The following PCNX1 variants were observed in gnomAD, a reference collection of about 807,000 sequenced individuals.
PCNX1 encodes pecanex 1, also known as pecanex-like protein 1.
Under a neutral mutation model 242.2 loss-of-function variants are expected in PCNX1, and 78 were observed. That is an observed-to-expected ratio of 0.32 (90% CI 0.27 to 0.39). The LOEUF is 0.39. Ranked by LOEUF, PCNX1 falls within the 10% of genes least tolerant of loss-of-function variation. PCNX1 has a pLI of 1.00. For synonymous variants in PCNX1, 1,024 were observed against 1,032.9 expected (o/e 0.99, Z 0.17); for missense variants, 2,581 against 2,856.5 (o/e 0.90, Z 2.20).
intron 2 of PCNX1, among the ~76,000 whole-genome samples, chr14:70,955,114 A>G (rs770301498): frequency 6.6e-6 from 1 of 152,180 alleles, no homozygotes; most frequent in Non-Finnish European, 1.5e-5. Flanking sequence ...AAATGGTTCA[A>G]TCTTTTAGAG....
At position 71,033,523 on chromosome 14, in the gene PCNX1, A is replaced by G; in HGVS notation, c.3653A>G (p.Asp1218Gly). Residue 1218 changes from aspartate (D) to glycine (G), a missense_variant, in exon 17 of 36, where the codon GAT becomes GGT. Asp to Gly is a moderately conservative substitution (Grantham distance 94). Around this residue, in one of 9 missense-constraint regions of PCNX1, gnomAD observed 432 missense variants for 443.1 expected, o/e 0.97. Transcript: ENST00000304743. ...TACCATCTCAGCCGACAAAGCAGTGATCCATCTGTACTTTTGTAAGTGAAC... is the reference window on the plus strand; with the variant it reads ...TACCATCTCAGCCGACAAAGCAGTGGTCCATCTGTACTTTTGTAAGTGAAC... ...VSYHLSRQSSDPSVLFSLVQS... is the reference protein window; with the variant it reads ...VSYHLSRQSSGPSVLFSLVQS... 6.4e-7 allele frequency: 1 copy of G among 1,571,424 alleles called. No homozygotes were observed. The highest frequency in any genetic ancestry group is 8.8e-7 in the Non-Finnish European group (1 of 1,142,204).
chr14:70,996,070 G>C, intron 8 of PCNX1, 145 bp downstream of exon 8: 2 of 608,526 alleles, frequency 3.3e-6, no homozygotes, highest in Non-Finnish European at 5.7e-6. Flanking sequence ...CTATGTGTTA[G>C]GAAAATGTGA....
intron 19 of PCNX1, among the ~76,000 whole-genome samples, chr14:71,040,417 G>T (rs1367701141): frequency 6.6e-6 from 1 of 152,090 alleles, no homozygotes; most frequent in Non-Finnish European, 1.5e-5. Context: ...ATTTGATTAT[G>T]ATGTACCTTC....
Position 71,036,167 on chromosome 14 carries a change from C to T in PCNX1, c.3867+10C>T. Reference sequence around the variant, plus strand: ...CTTCACAGTATTGCAGGTAAGGAATCATTTTCTCCTTTTATTTGTTTGTTT... The same window carrying T: ...CTTCACAGTATTGCAGGTAAGGAATTATTTTCTCCTTTTATTTGTTTGTTT... On this transcript the variant is annotated intron_variant, in intron 19 of 35. Transcript: ENST00000304743. 1 of 1,507,786 alleles carries T rather than the reference C, an allele frequency of 6.6e-7. No individual in the cohort carries two copies. Among genetic ancestry groups the T allele is most frequent in the South Asian group, 1.1e-5 (1 of 88,868 alleles). The allele number at this position is 1,507,786 out of a possible 1,614,324, so 93.4% of individuals were successfully genotyped here.
chr14:71,103,342 G>C, intron 31 of PCNX1, 53 bp from the exon 32 acceptor site: 1 of 1,576,938 alleles, frequency 6.3e-7, no homozygotes, highest in Admixed American at 1.7e-5. Context: ...TTCTGTTTCT[G>C]TGAATTTTAT....
At chr14:70,999,869 G>A (rs2059452276) in intron 8 of PCNX1, among the ~76,000 whole-genome samples, 1 of 152,070 alleles carries the variant, frequency 6.6e-6, no homozygotes, top group African/African-American at 2.4e-5. Flanking sequence ...AAAAAAGATT[G>A]TATATACTAC....
intron 33 of PCNX1, among the ~76,000 whole-genome samples, chr14:71,107,024 C>A (rs1034375948): frequency 4.9e-4 from 75 of 152,104 alleles, no homozygotes; most frequent in Admixed American, 1.6e-3. Context: ...TTTTCCCTGT[C>A]CCTAGGCCCT....
chr14:71,099,527 T>C (rs1269331268), intron 30 of PCNX1, among the ~76,000 whole-genome samples: 1 of 151,802 alleles, frequency 6.6e-6, no homozygotes, highest in Non-Finnish European at 1.5e-5. Context: ...GGGTATGTTC[T>C]GTGTGCAGAT....
Position 71,057,530 on chromosome 14 carries a change from A to G in PCNX1, c.4658A>G (p.Asn1553Ser). 6.2e-7 allele frequency: 1 copy of G among 1,612,790 alleles called. No homozygotes were observed. Among genetic ancestry groups the G allele is most frequent in the Non-Finnish European group, 8.5e-7 (1 of 1,178,846 alleles). The change falls in exon 26 of 36, where the codon AAT (asparagine) becomes AGT (serine). Residue 1553 changes from asparagine (N) to serine (S), a missense_variant. By Grantham distance (46) the Asn-to-Ser change is conservative. Transcript: ENST00000304743. ...ATAGGATCAGATGACAACAATCTGA[A>G]TTCCATCTTTTATGAGCATTTAACT... Reference protein sequence around the residue: ...RNPGSDDNNLNSIFYEHLTRS... With the variant: ...RNPGSDDNNLSSIFYEHLTRS...
chr14:71,072,768 G>C (rs941249173), intron 26 of PCNX1, among the ~76,000 whole-genome samples: 4 of 152,122 alleles, frequency 2.6e-5, no homozygotes, highest in Admixed American at 6.5e-5. Flanking sequence ...ATTAACATTA[G>C]TGTAACAGAT....
intron 28 of PCNX1, 23 bp from the exon 29 acceptor site, chr14:71,088,307 T>C: frequency 7.3e-7 from 1 of 1,367,866 alleles, no homozygotes; most frequent in Non-Finnish European, 1.0e-6. Context: ...TTCTGATAAC[T>C]AATGTTTTTT....
In PCNX1 at chr14:71,033,927, A is replaced by G. The variant is rs1166745385; in HGVS notation, c.3669-4A>G. 4.0e-6 allele frequency: 6 copies of G among 1,492,914 alleles called. No homozygotes were observed. The highest frequency in any genetic ancestry group is 5.5e-6 in the Non-Finnish European group (6 of 1,084,900). 92.5% of individuals were successfully genotyped at this position (1,492,914 alleles called of 1,614,324 possible). ...ATTTTCTGTTTTTTTTTCTTCACAT[A>G]AAGCTCTTTAGTGCAATCCAAGATT... On this transcript the variant is annotated splice_polypyrimidine_tract_variant and splice_region_variant and intron_variant, in intron 17 of 35. Coordinates refer to ENST00000304743, the MANE Select transcript of PCNX1 (RefSeq NM_014982.3).
chr14:70,945,525 T>C (rs568933069), intron 1 of PCNX1, among the ~76,000 whole-genome samples: 1 of 151,792 alleles, frequency 6.6e-6, no homozygotes, highest in South Asian at 2.1e-4. Flanking sequence ...TTGTGGACTT[T>C]ATGTTTTTCC....
At chr14:70,969,314 G>T in intron 5 of PCNX1, 1 of 472,118 alleles carries the variant, frequency 2.1e-6, no homozygotes, top group Non-Finnish European at 3.8e-6. Context: ...TACATGTTCT[G>T]CCAGATAAAC....
intron 1 of PCNX1, among the ~76,000 whole-genome samples, chr14:70,920,011 G>A (rs570413896): frequency 3.3e-4 from 50 of 152,168 alleles, no homozygotes; most frequent in African/African-American, 1.2e-3. Flanking sequence ...ACAACTTTGA[G>A]AAGCTTGAAT....
intron 28 of PCNX1, among the ~76,000 whole-genome samples, chr14:71,082,029 C>G (rs1436569742): frequency 1.3e-5 from 2 of 152,082 alleles, no homozygotes; most frequent in Non-Finnish European, 2.9e-5. Context: ...ACTGTTTTAG[C>G]TGTGTCTCAG....
chr14:71,060,254 T>C (rs1040672758), intron 26 of PCNX1, among the ~76,000 whole-genome samples: 12 of 152,172 alleles, frequency 7.9e-5, no homozygotes, highest in African/African-American at 2.7e-4. Flanking sequence ...ACTATGCTAC[T>C]GGTCATGTAA....
intron 16 of PCNX1, among the ~76,000 whole-genome samples, chr14:71,032,817 T>A (rs746210335): frequency 2.0e-5 from 3 of 152,242 alleles, no homozygotes; most frequent in Non-Finnish European, 4.4e-5. Flanking sequence ...TGAGCAGAGC[T>A]CATACGGAGT....
rs1052740781 is a variant in PCNX1, at chr14:71,076,428, T to A, written c.5337+9T>A. On this transcript the variant is annotated intron_variant, in intron 28 of 35. Coordinates refer to ENST00000304743, the MANE Select transcript of PCNX1 (RefSeq NM_014982.3). Reference sequence around the variant, plus strand: ...CTTCCCGAAGAGCAAAGGTAGAGTTTATTTCATTTATAACTCTTTGAATCC... The same window carrying A: ...CTTCCCGAAGAGCAAAGGTAGAGTTAATTTCATTTATAACTCTTTGAATCC... 6.6e-7 allele frequency: 1 copy of A among 1,516,126 alleles called. No homozygotes were observed. The highest frequency in any genetic ancestry group is 9.2e-7 in the Non-Finnish European group (1 of 1,092,266). 93.9% of individuals were successfully genotyped at this position (1,516,126 alleles called of 1,614,324 possible).
Sources: allele counts gnomAD v4.1 joint callset (sites outside exome capture counted in the v4.1 genomes callset), GRCh38; gene constraint gnomAD v4.1.1; regional missense constraint gnomAD v4.1.1; transcripts MANE v1.5; gene names NCBI Gene and HGNC (gene_info 2026-07-23, HGNC 2026-07-21).